Variants in PRPS1 observed in about 807,000 individuals in gnomAD.
PRPS1 encodes the protein phosphoribosyl pyrophosphate synthetase 1.
PRPS1 carries 1 observed loss-of-function variant against 16.9 expected under a neutral mutation model. The ratio of observed to expected loss-of-function variants is 0.06; its 90% confidence interval spans 0.02 to 0.28. The LOEUF (loss-of-function observed/expected upper bound fraction) is 0.28, where lower values mean the gene tolerates loss of function less well. PRPS1 is among the 10% of genes least tolerant of loss of function. The pLI is 1.00. For missense variants in PRPS1, 47 were observed against 254.0 expected (o/e 0.19, Z 5.54); for synonymous variants, 70 against 90.2 (o/e 0.78, Z 1.27).
chrX:107,643,743 C>T (rs1925627895), intron 4 of PRPS1, among the ~76,000 whole-genome samples: 1 of 111,744 alleles, frequency 8.9e-6, no homozygotes. Flanking sequence ...ACTAATTGAT[C>T]ATGCATTTGC....
intron 1 of PRPS1, among the ~76,000 whole-genome samples, chrX:107,635,832 G>A (rs1008084635): frequency 2.7e-5 from 3 of 109,890 alleles, no homozygotes; most frequent in East Asian, 2.9e-4. Flanking sequence ...AGGTCAAGGC[G>A]GGCAGATCAC....
At position 107,647,777 on chromosome X, in the gene PRPS1, A is replaced by T. The variant is rs1362837507; in HGVS notation, c.864+12A>T. ...GCTCCAAAATACAGGTGAGGATGAG[A>T]TTTGTGCAAAACAAGACTTTTCTAA... On this transcript the variant is annotated intron_variant, in intron 6 of 6. Coordinates refer to ENST00000372435, the MANE Select transcript of PRPS1 (RefSeq NM_002764.4). The T allele has an allele frequency of 2.5e-6, 3 of 1,207,840 alleles. No homozygotes were observed. The highest frequency in any genetic ancestry group is 3.4e-6 in the Non-Finnish European group (3 of 893,281).
intron 1 of PRPS1, among the ~76,000 whole-genome samples, chrX:107,638,382 T>C (rs1357374041): frequency 9.0e-6 from 1 of 111,072 alleles, no homozygotes; most frequent in Non-Finnish European, 1.9e-5. Context: ...GTGCTGGGAT[T>C]ACAGGTGTGA....
At chrX:107,648,727 C>CT (rs966256404) in intron 6 of PRPS1, among the ~76,000 whole-genome samples, 133 of 105,996 alleles carry the variant, frequency 1.3e-3, no homozygotes, top group African/African-American at 4.1e-3. Flanking sequence ...TCAACTTAGT[C>CT]TTTTTTTTTT....
chrX:107,629,671 G>A (rs1925265401), intron 1 of PRPS1, among the ~76,000 whole-genome samples: 1 of 111,942 alleles, frequency 8.9e-6, no homozygotes, highest in African/African-American at 3.3e-5. Flanking sequence ...TGCAACTTGC[G>A]TTTTTTCCAT....
Position 107,648,836 on chromosome X carries a change from C to T in PRPS1, c.864+1071C>T, listed in dbSNP as rs938253725. On this transcript the variant is annotated intron_variant, in intron 6 of 6. Coordinates refer to ENST00000372435, the MANE Select transcript of PRPS1 (RefSeq NM_002764.4). ...GTGCAATGGCACGATCTCAGCTCACCGCAACCTCAGCCTCCCAGGTTCAAG... is the reference window on the plus strand; with the variant it reads ...GTGCAATGGCACGATCTCAGCTCACTGCAACCTCAGCCTCCCAGGTTCAAG... Among the ~76,000 whole-genome samples the T allele has an allele frequency of 9.8e-4, 108 of 110,204 alleles. 1 individual carries two copies. The highest frequency in any genetic ancestry group is 3.1e-3 in the African/African-American group (94 of 30,230).
chrX:107,640,703 T>G (rs1202710723), intron 2 of PRPS1, among the ~76,000 whole-genome samples, 199 bp from the exon 3 acceptor site: 1 of 112,316 alleles, frequency 8.9e-6, no homozygotes, highest in Non-Finnish European at 1.9e-5. Flanking sequence ...GTATCCTGAT[T>G]TGGAAAAGTG....
At chrX:107,629,663 C>T (rs1452136014) in intron 1 of PRPS1, among the ~76,000 whole-genome samples, 1 of 112,103 alleles carries the variant, frequency 8.9e-6, no homozygotes, top group Non-Finnish European at 1.9e-5. Context: ...CAGTGCATTG[C>T]AACTTGCGTT....
At chrX:107,643,522 G>A (rs1430087052) in intron 4 of PRPS1, among the ~76,000 whole-genome samples, 1 of 111,222 alleles carries the variant, frequency 9.0e-6, no homozygotes, top group East Asian at 2.8e-4. Context: ...CATTATCATT[G>A]TCTTATAGTG....
In PRPS1 at chrX:107,634,714, A is replaced by G. The variant is rs183830604; in HGVS notation, c.123-4581A>G. Among the ~76,000 whole-genome samples, 35 of 111,783 alleles carry G rather than the reference A, an allele frequency of 3.1e-4. 1 individual carries two copies. The highest frequency in any genetic ancestry group is 1.1e-3 in the African/African-American group (34 of 30,842). On this transcript the variant is annotated intron_variant, in intron 1 of 6. Transcript: ENST00000372435. ...GATATCGAGTAACATCATGGACAAT[A>G]TAACAATTTTGTGGGTATTTTTTAT...
At chrX:107,641,152 T>G (rs747156350) in intron 3 of PRPS1, 152 bp downstream of exon 3, 35 of 1,164,762 alleles carry the variant, frequency 3.0e-5, no homozygotes, top group Non-Finnish European at 3.9e-5. Context: ...TTAAGCATAC[T>G]TCATGATCTT....
intron 4 of PRPS1, among the ~76,000 whole-genome samples, chrX:107,644,779 C>T (rs969952031): frequency 7.2e-5 from 8 of 111,445 alleles, no homozygotes; most frequent in Non-Finnish European, 1.5e-4. Context: ...TATTCTCCTC[C>T]CCAAAACAAG....
At position 107,636,402 on chromosome X, in the gene PRPS1, G is replaced by C. The variant is rs1036628006; in HGVS notation, c.123-2893G>C. Reference sequence around the variant, plus strand: ...CCCAAAGTGCTGGGATTACAGGCATGAGCCACTGCGTCCAGTCTTAAAAAA... The same window carrying C: ...CCCAAAGTGCTGGGATTACAGGCATCAGCCACTGCGTCCAGTCTTAAAAAA... On this transcript the variant is annotated intron_variant, in intron 1 of 6. Coordinates refer to ENST00000372435, the MANE Select transcript of PRPS1 (RefSeq NM_002764.4). Among the ~76,000 whole-genome samples, 3 of 112,761 alleles carry C rather than the reference G, an allele frequency of 2.7e-5. No individual in the cohort carries two copies. The Admixed American group carries it at 2.8e-4, about 11-fold the overall frequency.
chrX:107,629,172 G>A (rs1228997186), intron 1 of PRPS1, among the ~76,000 whole-genome samples: 1 of 111,507 alleles, frequency 9.0e-6, no homozygotes. Context: ...TGCGTACTGA[G>A]CTCTCCTGGT....
At chrX:107,646,836 T>C (rs1925706196) in intron 5 of PRPS1, among the ~76,000 whole-genome samples, 2 of 112,354 alleles carry the variant, frequency 1.8e-5, no homozygotes. Context: ...CAAAAACTGA[T>C]GTACATTGTG....
At chrX:107,640,428 T>C (rs903131787) in intron 2 of PRPS1, among the ~76,000 whole-genome samples, 11 of 111,664 alleles carry the variant, frequency 9.9e-5, no homozygotes, top group African/African-American at 3.6e-4. Context: ...GAGTTCATAG[T>C]TGTTGGAAAG....
At chrX:107,642,546 G>T (rs1925597996) in intron 4 of PRPS1, 56 bp downstream of exon 4, 4 of 1,199,719 alleles carry the variant, frequency 3.3e-6, no homozygotes, top group Admixed American at 2.2e-5. Flanking sequence ...TCAGATGGTT[G>T]TGTCACAAAG....
At chrX:107,630,041 C>A (rs1455415371) in intron 1 of PRPS1, 2 of 112,082 alleles carry the variant, frequency 1.8e-5, no homozygotes, top group Non-Finnish European at 3.8e-5. Context: ...GTAATGTCAC[C>A]GATAATGGAC....
Position 107,650,133 on chromosome X carries a change from T to C in PRPS1, c.*101T>C, listed in dbSNP as rs952452306. The C allele has an allele frequency of 2.3e-5, 27 of 1,183,307 alleles. No homozygotes were observed. The African/African-American group carries it at 4.1e-4, about 18-fold the overall frequency. On this transcript the variant is annotated 3_prime_UTR_variant, in exon 7 of 7. Coordinates refer to ENST00000372435, the MANE Select transcript of PRPS1 (RefSeq NM_002764.4). ...CAGCAGAAGACCCGGCTTGCTCCAG[T>C]GTAGCTTTCTACATCCCACATCAGG...
Sources: allele counts gnomAD v4.1 joint callset (sites outside exome capture counted in the v4.1 genomes callset), GRCh38; gene constraint gnomAD v4.1.1; transcripts MANE v1.5; gene names NCBI Gene and HGNC (gene_info 2026-07-23, HGNC 2026-07-21).